The following PPARGC1A variants were observed in gnomAD, a reference collection of about 807,000 sequenced individuals.
PPARGC1A encodes the protein peroxisome proliferator-activated receptor gamma coactivator 1-alpha.
Under a neutral mutation model 88.7 loss-of-function variants are expected in PPARGC1A, and 25 were observed. That is an observed-to-expected ratio of 0.28 (90% CI 0.21 to 0.39). The LOEUF is 0.39. Ranked by LOEUF, PPARGC1A falls within the 10% of genes least tolerant of loss-of-function variation. The pLI is 1.00. For synonymous variants in PPARGC1A, 363 were observed against 355.6 expected, an observed-to-expected ratio of 1.02 and a Z score of -0.24; for missense variants, 880 against 968.7, an observed-to-expected ratio of 0.91 and a Z score of 1.22.
chr4:23,838,005 T>A (rs1468382227), intron 2 of PPARGC1A, among the ~76,000 whole-genome samples: 1 of 152,210 alleles, frequency 6.6e-6, no homozygotes, highest in Non-Finnish European at 1.5e-5. Context: ...CTAAGTTTTT[T>A]TCCTGCAATA....
intron 2 of PPARGC1A, chr4:23,884,497 A>G (rs985125904): frequency 5.8e-5 from 24 of 411,216 alleles, no homozygotes; most frequent in Non-Finnish European, 1.0e-4. Context: ...TAGTATTTCA[A>G]CACAGTTTAA....
the PPARGC1A span, among the ~76,000 whole-genome samples, chr4:24,161,997 C>T: frequency 2.0e-5 from 3 of 148,814 alleles, no homozygotes; most frequent in African/African-American, 5.0e-5. Context: ...CACACACACA[C>T]ACACACACAC....
the PPARGC1A span, among the ~76,000 whole-genome samples, chr4:24,277,375 A>G: frequency 6.6e-6 from 1 of 152,100 alleles, no homozygotes; most frequent in Non-Finnish European, 1.5e-5. Context: ...CCAAATATAC[A>G]GTGGGCCCCC....
the PPARGC1A span, among the ~76,000 whole-genome samples, chr4:24,321,544 G>A: frequency 1.1e-4 from 17 of 152,222 alleles, 1 homozygote; most frequent in African/African-American, 3.6e-4. Context: ...GTATTTGTCT[G>A]ACTTTAATTT....
the PPARGC1A span, among the ~76,000 whole-genome samples, chr4:24,214,079 A>T: frequency 6.6e-6 from 1 of 152,194 alleles, no homozygotes; most frequent in Non-Finnish European, 1.5e-5. Flanking sequence ...GCAAAAGCAC[A>T]ATTTCCTCCC....
At chr4:24,310,646 G>A in the PPARGC1A span, among the ~76,000 whole-genome samples, 749 of 152,264 alleles carry the variant, frequency 4.9e-3, 6 homozygotes, top group African/African-American at 0.017. Flanking sequence ...ATTTTTCTAT[G>A]TGAGTTCAAC....
At chr4:24,021,253 A>G in the PPARGC1A span, among the ~76,000 whole-genome samples, 1 of 152,184 alleles carries the variant, frequency 6.6e-6, no homozygotes. Context: ...CTCCTCACCC[A>G]GGAACATCCC....
the PPARGC1A span, among the ~76,000 whole-genome samples, chr4:24,234,774 C>T: frequency 6.6e-6 from 1 of 152,196 alleles, no homozygotes; most frequent in Non-Finnish European, 1.5e-5. Context: ...TTCACGTAAT[C>T]CAATAAACAG....
the PPARGC1A span, among the ~76,000 whole-genome samples, chr4:24,128,005 C>T: frequency 1.0e-3 from 152 of 152,224 alleles, no homozygotes; most frequent in Middle Eastern, 3.4e-3. Context: ...ATACTTCTGT[C>T]GAACTCCCTC....
chr4:24,399,769 A>T, the PPARGC1A span, among the ~76,000 whole-genome samples: 1 of 152,072 alleles, frequency 6.6e-6, no homozygotes, highest in Admixed American at 6.6e-5. Flanking sequence ...AAGCATATGA[A>T]CATTTACACC....
chr4:24,155,469 C>T, the PPARGC1A span, among the ~76,000 whole-genome samples: 7 of 151,696 alleles, frequency 4.6e-5, no homozygotes, highest in Admixed American at 2.6e-4. Context: ...CAAAACGTAG[C>T]GTGCACCTGT....
chr4:24,280,093 C>G, the PPARGC1A span, among the ~76,000 whole-genome samples: 3 of 152,174 alleles, frequency 2.0e-5, no homozygotes, highest in South Asian at 6.2e-4. Context: ...CAGCCAGACA[C>G]ACGTCTCATC....
chr4:24,451,613 C>G, the PPARGC1A span, among the ~76,000 whole-genome samples: 1 of 152,104 alleles, frequency 6.6e-6, no homozygotes, highest in African/African-American at 2.4e-5. Flanking sequence ...GTGTCTTGCT[C>G]TGTCGCCAGG....
Position 23,824,602 on chromosome 4 carries a change from A to G in PPARGC1A, c.758-94T>C, listed in dbSNP as rs951751054. ...CAGTCAAGTTGGAAAAACAACCAGA[A>G]AACTCAAAGACTAAACTAAGGAATT... On this transcript the variant is annotated intron_variant, in intron 5 of 12. Transcript: ENST00000264867. 41 of 1,075,760 alleles carry G rather than the reference A, an allele frequency of 3.8e-5. No individual in the cohort carries two copies. In the Middle Eastern group the frequency reaches 1.7e-3, roughly 44 times the overall value. 66.6% of individuals were successfully genotyped at this position (1,075,760 alleles called of 1,614,324 possible). A position where few individuals can be genotyped will look rare whatever the true frequency, so the allele number is the denominator to read the frequency against.
At chr4:24,208,065 G>T in the PPARGC1A span, among the ~76,000 whole-genome samples, 1 of 152,108 alleles carries the variant, frequency 6.6e-6, no homozygotes, top group Non-Finnish European at 1.5e-5. Flanking sequence ...GGTCACTTGA[G>T]ACCAGGAGTT....
chr4:23,813,778 A>G lies in PPARGC1A; in HGVS notation c.1705T>C (p.Ser569Pro). The change falls in exon 8 of 13, where the codon TCA becomes CCA. Residue 569 changes from serine to proline, a missense_variant. Physicochemically the swap from Ser to Pro is moderately conservative, Grantham distance 74. Transcript: ENST00000264867. ...GACCTGTGTCGAGAAAAGGACCTTGAACGAGAGCGCATCCTTTGGGGTCTT... is the reference window on the plus strand; with the variant it reads ...GACCTGTGTCGAGAAAAGGACCTTGGACGAGAGCGCATCCTTTGGGGTCTT... ...SQRPQRMRSRSRSFSRHRSCS... is the reference protein window; with the variant it reads ...SQRPQRMRSRPRSFSRHRSCS... 6.2e-7 allele frequency: 1 copy of G among 1,613,636 alleles called. No homozygotes were observed. Among genetic ancestry groups the G allele is most frequent in the Middle Eastern group, 1.7e-4 (1 of 6,060 alleles).
In PPARGC1A at chr4:23,795,377, C is replaced by T. The variant is rs6821591; in HGVS notation, c.*445G>A. On this transcript the variant is annotated 3_prime_UTR_variant, in exon 13 of 13. Transcript: ENST00000264867. ...ACATTTTGAAGTTCTAGGTTTTAAG[C>T]GTGTCTTCATGGAACTGCTGCCATT... The T allele has an allele frequency of 0.53, 78,664 of 147,626 alleles. 21,378 individuals are homozygous for T. Among genetic ancestry groups the T allele is most frequent in the East Asian group, 0.7 (3,447 of 4,932 alleles). 9.1% of individuals were successfully genotyped at this position (147,626 alleles called of 1,614,324 possible).
At chr4:24,410,090 T>C in the PPARGC1A span, among the ~76,000 whole-genome samples, 1 of 152,216 alleles carries the variant, frequency 6.6e-6, no homozygotes, top group Non-Finnish European at 1.5e-5. Context: ...AAAAGCCAAG[T>C]ATCCGTAACT....
At chr4:24,020,318 G>A in the PPARGC1A span, among the ~76,000 whole-genome samples, 1 of 152,150 alleles carries the variant, frequency 6.6e-6, no homozygotes, top group Non-Finnish European at 1.5e-5. Flanking sequence ...GCTCAATACG[G>A]CACTGGCAAG....
Sources: gnomAD v4.1 joint callset for allele counts (sites outside exome capture counted in the v4.1 genomes callset) on GRCh38, gnomAD v4.1.1 for gene constraint, MANE v1.5 for transcripts, NCBI Gene and HGNC (gene_info 2026-07-23, HGNC 2026-07-21) for gene names.